The following TET3 variants were observed in gnomAD, a reference collection of about 807,000 sequenced individuals.
TET3 encodes methylcytosine dioxygenase TET3.
Under a neutral mutation model 141.4 loss-of-function variants are expected in TET3, and 19 were observed. The ratio of observed to expected loss-of-function variants is 0.13; its 90% confidence interval spans 0.09 to 0.20. The LOEUF (loss-of-function observed/expected upper bound fraction) is 0.20. TET3 is among the 10% of genes least tolerant of loss of function. The probability of loss-of-function intolerance (pLI) is 1.00; values close to 1 mark genes in which losing one functional copy is unlikely to be tolerated. For missense variants in TET3, 1,874 were observed against 2,356.9 expected (o/e 0.80, Z 4.24); for synonymous variants, 1,043 against 980.9 (o/e 1.06, Z -1.18).
intron 4 of TET3, among the ~76,000 whole-genome samples, chr2:74,060,148 C>A (rs1688426224): frequency 1.3e-5 from 2 of 152,174 alleles, no homozygotes; most frequent in Non-Finnish European, 2.9e-5. Context: ...CACGTTCTCA[C>A]CAGCAAATGG....
At chr2:74,092,122 G>A (rs573000064) in intron 8 of TET3, among the ~76,000 whole-genome samples, 12 of 152,196 alleles carry the variant, frequency 7.9e-5, no homozygotes, top group Admixed American at 3.9e-4. Flanking sequence ...TGGCCAACAC[G>A]GCAAAACCCC....
chr2:74,116,012 CAA>C, the TET3 span, among the ~76,000 whole-genome samples: 14 of 84,492 alleles, frequency 1.7e-4, no homozygotes, highest in Non-Finnish European at 1.6e-4. Flanking sequence ...GATCTGGTCT[CAA>C]AAAAAAAAAA....
intron 10 of TET3, among the ~76,000 whole-genome samples, chr2:74,097,228 C>CACACACACACAT (rs767965023): frequency 6.0e-5 from 9 of 150,696 alleles, no homozygotes; most frequent in Non-Finnish European, 1.0e-4. Flanking sequence ...CACACACACA[C>CACACACACACAT]ACATACATTC....
chr2:73,989,198 T>A (rs1186457218), intron 2 of TET3, among the ~76,000 whole-genome samples: 1 of 151,996 alleles, frequency 6.6e-6, no homozygotes, highest in Non-Finnish European at 1.5e-5. Flanking sequence ...AACCATTAGA[T>A]CTTAGCAGCC....
At chr2:73,984,266 G>C (rs1683885076), upstream of TET3, among the ~76,000 whole-genome samples, 5 of 152,348 alleles carry the variant, frequency 3.3e-5, no homozygotes, top group South Asian at 1.0e-3. This position sits in a 1 kb window ranked among gnomAD's most constrained non-coding sequence, Gnocchi z 5.6. Context: ...GCGGCGCGGG[G>C]GAGGCTGGTG....
Position 74,105,355 on chromosome 2 carries a change from G to A in TET3, c.*3179G>A, listed in dbSNP as rs1691436244. 1 of 398,602 alleles carries A rather than the reference G, an allele frequency of 2.5e-6. No homozygotes were observed. Among genetic ancestry groups the A allele is most frequent in the South Asian group, 1.3e-4 (1 of 7,856 alleles). The allele number at this position is 398,602 out of a possible 1,614,324, so 24.7% of individuals were successfully genotyped here. On this transcript the variant is annotated 3_prime_UTR_variant, in exon 12 of 12. Coordinates refer to ENST00000409262, the MANE Select transcript of TET3 (RefSeq NM_001287491.2). ...CCTGCCTGTTGCGTGCAAGGGAAGT[G>A]CTTGTAAAGTTCTGTGCTACGAGAT...
chr2:74,090,694 C>T (rs967412454), intron 8 of TET3, among the ~76,000 whole-genome samples: 13 of 152,234 alleles, frequency 8.5e-5, no homozygotes, highest in African/African-American at 3.1e-4. Flanking sequence ...CGCCCTCAGG[C>T]TGTGGGGGCC....
intron 4 of TET3, among the ~76,000 whole-genome samples, chr2:74,051,108 A>C (rs1687919004): frequency 6.6e-6 from 1 of 152,228 alleles, no homozygotes; most frequent in Non-Finnish European, 1.5e-5. Flanking sequence ...TTCCAGACTG[A>C]GTAGTGCATA....
chr2:74,100,321 G>T, intron 11 of TET3, 72 bp from the exon 12 acceptor site: 2 of 1,471,928 alleles, frequency 1.4e-6, no homozygotes, highest in Non-Finnish European at 1.8e-6. Context: ...TCCATCCCCA[G>T]TCCCCGACCC....
At chr2:74,069,584 C>G (rs919568436) in intron 4 of TET3, among the ~76,000 whole-genome samples, 3 of 151,462 alleles carry the variant, frequency 2.0e-5, no homozygotes, top group Admixed American at 6.6e-5. Context: ...TATGCCCTTT[C>G]TTATCTTTTT....
chr2:74,099,655 GT>G, intron 11 of TET3, 43 bp downstream of exon 11: 1 of 1,486,492 alleles, frequency 6.7e-7, no homozygotes, highest in Non-Finnish European at 9.0e-7. Context: ...CAATGGCACT[GT>G]CCTCATGGGG....
At position 74,080,492 on chromosome 2, in the gene TET3, C is replaced by T. The variant is rs751100538; in HGVS notation, c.2586-6C>T. 7 of 1,611,998 alleles carry T rather than the reference C, an allele frequency of 4.3e-6. No homozygotes were observed. The Admixed American group carries it at 1.2e-4, about 27-fold the overall frequency. ...TGCTAATGGTGGCTTCTGTCTCCCT[C>T]TTCAGGTATGGAGAGAAGGGGAAAG... On this transcript the variant is annotated splice_region_variant and splice_polypyrimidine_tract_variant and intron_variant, in intron 5 of 11. Transcript: ENST00000409262.
chr2:74,124,338 G>A, the TET3 span, among the ~76,000 whole-genome samples: 84 of 149,850 alleles, frequency 5.6e-4, no homozygotes, highest in African/African-American at 1.9e-3. Flanking sequence ...CCGGCCAGCC[G>A]CCCCGTCCGG....
chr2:74,094,303 G>T (rs968996774), intron 10 of TET3, among the ~76,000 whole-genome samples: 2 of 152,176 alleles, frequency 1.3e-5, no homozygotes, highest in East Asian at 3.9e-4. Flanking sequence ...TGCAGGCTCC[G>T]AGCGGGGAGC....
At chr2:74,090,223 C>T (rs1274592711) in intron 8 of TET3, among the ~76,000 whole-genome samples, 176 bp downstream of exon 8, 1 of 152,178 alleles carries the variant, frequency 6.6e-6, no homozygotes, top group Non-Finnish European at 1.5e-5. Context: ...GTGTGGAGGG[C>T]ACCAAGTGTG....
chr2:74,088,389 TC>T (rs1489645579), intron 7 of TET3, among the ~76,000 whole-genome samples: 2 of 152,146 alleles, frequency 1.3e-5, no homozygotes, highest in African/African-American at 4.8e-5. Flanking sequence ...ATGCCTATAA[TC>T]CCAGCACTTT....
intron 3 of TET3, among the ~76,000 whole-genome samples, chr2:74,024,942 G>A (rs1686248381): frequency 6.6e-6 from 1 of 152,040 alleles, no homozygotes. Context: ...AGCAGGCCAG[G>A]CGCCGTGGTG....
At chr2:74,028,971 A>G (rs1474022445) in intron 3 of TET3, among the ~76,000 whole-genome samples, 2 of 152,210 alleles carry the variant, frequency 1.3e-5, no homozygotes, top group Non-Finnish European at 2.9e-5. Context: ...GCCATGCTCA[A>G]TCTGCTTATC....
rs1453827798 is a variant in TET3 at position 74,101,969 on chromosome 2, TGCCCG to T, written c.5184_5188del (p.Arg1729GlyfsTer23). 13 of 1,607,548 alleles carry T rather than the reference TGCCCG, an allele frequency of 8.1e-6. No homozygotes were observed. Among genetic ancestry groups the T allele is most frequent in the African/African-American group, 2.7e-5 (2 of 74,790 alleles). On this transcript the variant is annotated frameshift_variant, in exon 12 of 12. Coordinates refer to ENST00000409262, the MANE Select transcript of TET3 (RefSeq NM_001287491.2). LOFTEE classifies it high-confidence loss of function. This position sits in a 1 kb window ranked among gnomAD's most constrained non-coding sequence, Gnocchi z 8.5. ...GGGCACGGGCACGGCAGGAGGAGGC[TGCCCG>T]GCTGGGCCTGGGCCAGCAGGAGGCC...
Sources: allele counts gnomAD v4.1 joint callset (sites outside exome capture counted in the v4.1 genomes callset), GRCh38; gene constraint gnomAD v4.1.1; non-coding constraint Gnocchi (gnomAD v3.1); transcripts MANE v1.5; gene names NCBI Gene and HGNC (gene_info 2026-07-23, HGNC 2026-07-21).